The following PARD3B variants were observed in gnomAD, a reference collection of about 807,000 sequenced individuals.
PARD3B encodes par-3 family cell polarity regulator beta.
In PARD3B, 103 loss-of-function variants were observed where a neutral mutation model predicts 130.2. That is an observed-to-expected ratio of 0.79 (90% CI 0.67 to 0.93). The LOEUF (loss-of-function observed/expected upper bound fraction) is 0.93. PARD3B is among the 40% of genes least tolerant of loss of function. PARD3B has a pLI of 0.00. For missense variants in PARD3B, 1,609 were observed against 1,499.2 expected (o/e 1.07, Z -1.21); for synonymous variants, 583 against 553.2 (o/e 1.05, Z -0.76).
chr2:205,055,095 C>T (rs1305974419), intron 4 of PARD3B, among the ~76,000 whole-genome samples: 1 of 152,104 alleles, frequency 6.6e-6, no homozygotes, highest in Non-Finnish European at 1.5e-5. Context: ...AGGCACAGTG[C>T]CTGGCACTTA....
At position 205,153,558 on chromosome 2, in the gene PARD3B, A is replaced by G. The variant is rs550060832; in HGVS notation, c.1435-5164A>G. On this transcript the variant is annotated intron_variant, in intron 10 of 22. Transcript: ENST00000406610. ...TGGAAAAAACTACTTTAAAGTTCAT[A>G]TGGAACCAAAAAAGAGCCCACATTG... 9.7e-4 allele frequency among the ~76,000 whole-genome samples: 147 copies of G among 152,296 alleles called. 1 individual carries two copies. The highest frequency in any genetic ancestry group is 3.3e-3 in the African/African-American group (139 of 41,550).
chr2:205,316,339 C>T (rs13426148), intron 18 of PARD3B, among the ~76,000 whole-genome samples: 1,986 of 151,714 alleles, frequency 0.013, 47 homozygotes, highest in African/African-American at 0.045. Context: ...AAATCACTAA[C>T]GGGAAGAAAT....
At chr2:205,224,979 A>G (rs1479118402) in intron 15 of PARD3B, among the ~76,000 whole-genome samples, 1 of 152,072 alleles carries the variant, frequency 6.6e-6, no homozygotes, top group East Asian at 1.9e-4. Context: ...GATTATTTAT[A>G]TGTACATTTT....
At chr2:205,211,372 T>C (rs1327176149) in intron 15 of PARD3B, among the ~76,000 whole-genome samples, 1 of 152,066 alleles carries the variant, frequency 6.6e-6, no homozygotes, top group Non-Finnish European at 1.5e-5. Context: ...CCTCCTTCCT[T>C]CATTCATCAT....
chr2:205,516,078 C>T (rs1466778035), intron 21 of PARD3B, among the ~76,000 whole-genome samples: 1 of 152,144 alleles, frequency 6.6e-6, no homozygotes, highest in Non-Finnish European at 1.5e-5. Flanking sequence ...TCGTTTTTGT[C>T]AGCTTTATGA....
At chr2:205,393,497 A>G (rs1329939483) in intron 18 of PARD3B, among the ~76,000 whole-genome samples, 1 of 152,230 alleles carries the variant, frequency 6.6e-6, no homozygotes, top group Non-Finnish European at 1.5e-5. Context: ...AATGCATCAT[A>G]GACACCCAAA....
chr2:204,593,974 T>C (rs1240583473), intron 1 of PARD3B, among the ~76,000 whole-genome samples: 1 of 152,204 alleles, frequency 6.6e-6, no homozygotes, highest in Non-Finnish European at 1.5e-5. Context: ...AAATTCTCTG[T>C]CTTACGTACC....
At chr2:205,350,044 C>T (rs2043940946) in intron 18 of PARD3B, among the ~76,000 whole-genome samples, 1 of 152,108 alleles carries the variant, frequency 6.6e-6, no homozygotes, top group Admixed American at 6.5e-5. Context: ...CCCTTCAGCT[C>T]TATCCCAACA....
intron 2 of PARD3B, among the ~76,000 whole-genome samples, chr2:204,740,347 A>G (rs1375376271): frequency 6.6e-6 from 1 of 152,164 alleles, no homozygotes; most frequent in Non-Finnish European, 1.5e-5. Flanking sequence ...CATCTTCGGC[A>G]CATTTATTTT....
At chr2:205,043,688 A>G (rs893613659) in intron 3 of PARD3B, among the ~76,000 whole-genome samples, 1 of 152,116 alleles carries the variant, frequency 6.6e-6, no homozygotes, top group East Asian at 1.9e-4. Flanking sequence ...TCCTTGTACA[A>G]TATGACTTCT....
At chr2:204,997,906 A>G (rs577042678) in intron 3 of PARD3B, among the ~76,000 whole-genome samples, 93 of 149,244 alleles carry the variant, frequency 6.2e-4, no homozygotes, top group African/African-American at 2.1e-3. Flanking sequence ...AGTAATGTAG[A>G]TATTTATTAT....
chr2:205,330,487 C>T (rs772529595), intron 18 of PARD3B, among the ~76,000 whole-genome samples: 2 of 152,212 alleles, frequency 1.3e-5, no homozygotes, highest in Non-Finnish European at 2.9e-5. Flanking sequence ...CAGAAGACAG[C>T]AGGGCATAGG....
chr2:205,590,081 A>C lies in PARD3B; in HGVS notation c.3261-25375A>C, dbSNP rs2054330402. The stretch of plus-strand genomic sequence containing the variant: ...TACATTCATACCTATTGGTATGAAT[A>C]TACCAACACATGAATGTACACATGG... On this transcript the variant is annotated intron_variant, in intron 22 of 22. Coordinates refer to ENST00000406610, the MANE Select transcript of PARD3B (RefSeq NM_001302769.2). The surrounding 1 kb of genome is among the most constrained non-coding windows in gnomAD (Gnocchi z 4.1). 6.6e-6 allele frequency among the ~76,000 whole-genome samples: 1 copy of C among 152,198 alleles called. No individual in the cohort carries two copies. Among genetic ancestry groups the C allele is most frequent in the Non-Finnish European group, 1.5e-5 (1 of 68,038 alleles).
At chr2:205,367,358 G>A (rs538976926) in intron 18 of PARD3B, among the ~76,000 whole-genome samples, 5 of 152,276 alleles carry the variant, frequency 3.3e-5, no homozygotes, top group African/African-American at 1.2e-4. Flanking sequence ...CCTCTTAAGT[G>A]AGGGAAAGGG....
In PARD3B at chr2:204,782,529, ATGT is replaced by A. The variant is rs1054979965; in HGVS notation, c.222+96249_222+96251del. Reference sequence around the variant, plus strand: ...GTTATATAGTATGTATGTAATCGGTATGTTATTACATATATGTAATATATATAA... The same window carrying A: ...GTTATATAGTATGTATGTAATCGGTATATTACATATATGTAATATATATAA... On this transcript the variant is annotated intron_variant, in intron 2 of 22. Coordinates refer to ENST00000406610, the MANE Select transcript of PARD3B (RefSeq NM_001302769.2). Among the ~76,000 whole-genome samples the A allele has an allele frequency of 6.1e-3, 914 of 149,964 alleles. 11 individuals carry two copies. Among genetic ancestry groups the A allele is most frequent in the African/African-American group, 0.021 (881 of 41,074 alleles).
At position 205,125,684 on chromosome 2, in the gene PARD3B, A is replaced by G. The variant is rs912391300; in HGVS notation, c.1381A>G (p.Thr461Ala). 3 of 1,614,166 alleles carry G rather than the reference A, an allele frequency of 1.9e-6. No individual in the cohort carries two copies. Among genetic ancestry groups the G allele is most frequent in the Non-Finnish European group, 1.7e-6 (2 of 1,180,038 alleles). The part of the protein sequence containing the change: ...AMLRSTKQGE[T>A]ASLVIARQEG... ...GCTCAGGAGCACCAAGCAGGGGGAG[A>G]CAGCATCGCTGGTCATTGCCCGCCA... The change falls in exon 10 of 23, where the codon ACA (threonine) becomes GCA (alanine). Residue 461 changes from threonine (T) to alanine (A), a missense_variant. Coordinates refer to ENST00000406610, the MANE Select transcript of PARD3B (RefSeq NM_001302769.2). The surrounding 1 kb of genome is among the most constrained non-coding windows in gnomAD (Gnocchi z 4.0).
chr2:204,546,026 G>A lies in PARD3B; in HGVS notation c.27G>A (p.Arg9=), dbSNP rs1190137644. 2 of 1,568,082 alleles carry A rather than the reference G, an allele frequency of 1.3e-6. No individual in the cohort carries two copies. The highest frequency in any genetic ancestry group is 1.7e-6 in the Non-Finnish European group (2 of 1,155,844). The change falls in exon 1 of 23, where the codon AGG becomes AGA. Residue 9 remains arginine (R), a synonymous_variant. Coordinates refer to ENST00000406610, the MANE Select transcript of PARD3B (RefSeq NM_001302769.2). ...TGAAAGTGACCGTGTGCTTCGGCAG[G>A]ACGGGCATCGTGGTGCCCTGCAAGG... The part of the protein sequence containing the change: MKVTVCFG[R]TGIVVPCKEG...
At chr2:204,559,261 C>T (rs1574460000) in intron 1 of PARD3B, among the ~76,000 whole-genome samples, 2 of 152,170 alleles carry the variant, frequency 1.3e-5, no homozygotes, top group Admixed American at 1.3e-4. Flanking sequence ...AGGCAACTTA[C>T]AGAATGGGAG....
At chr2:205,108,313 C>A (rs1323394555) in intron 5 of PARD3B, among the ~76,000 whole-genome samples, 4 of 152,174 alleles carry the variant, frequency 2.6e-5, no homozygotes, top group African/African-American at 9.7e-5. Flanking sequence ...TATCACACTT[C>A]TCCCTAATTC....
Sources: allele counts gnomAD v4.1 joint callset (sites outside exome capture counted in the v4.1 genomes callset), GRCh38; gene constraint gnomAD v4.1.1; non-coding constraint Gnocchi (gnomAD v3.1); transcripts MANE v1.5; gene names NCBI Gene and HGNC (gene_info 2026-07-23, HGNC 2026-07-21).